The following OTUD4 variants were observed in gnomAD, a reference collection of about 807,000 sequenced individuals.
OTUD4 encodes OTU deubiquitinase 4.
A neutral mutation model predicts 130.4 loss-of-function variants in OTUD4; 24 were observed. That is an observed-to-expected ratio of 0.18 (90% CI 0.13 to 0.26). The LOEUF is 0.26. OTUD4 is among the 10% of genes least tolerant of loss of function. The pLI is 1.00. For missense variants in OTUD4, 1,031 were observed against 1,329.4 expected (o/e 0.78, Z 3.49); for synonymous variants, 420 against 472.5 (o/e 0.89, Z 1.44).
In OTUD4 at chr4:145,137,994, A is replaced by C. The variant is rs191435305; in HGVS notation, c.2781T>G (p.Ser927Arg). Residue 927 changes from serine (S) to arginine (R), a missense_variant, in exon 21 of 21, where the codon AGT (serine) becomes AGG (arginine). Physicochemically the swap from Ser to Arg is moderately radical, Grantham distance 110. Coordinates refer to ENST00000447906, the MANE Select transcript of OTUD4 (RefSeq NM_001366057.1). ...GGCCTTCGTCCGGCTTACTGCTCAC[A>C]CTTGCTTCAGGGAGAGAATGTACAT... ...GEHVHSLPEA[S>R]VSSKPDEGRT... 6.2e-7 allele frequency: 1 copy of C among 1,614,124 alleles called. No individual in the cohort carries two copies. The highest frequency in any genetic ancestry group is 1.7e-5 in the Admixed American group (1 of 60,020).
Position 145,169,570 on chromosome 4 carries a change from T to C in OTUD4, c.294+2100A>G, listed in dbSNP as rs533343003. 2.0e-5 allele frequency among the ~76,000 whole-genome samples: 3 copies of C among 152,290 alleles called. No individual in the cohort carries two copies. In the East Asian group the frequency reaches 5.8e-4, roughly 29 times the overall value. On this transcript the variant is annotated intron_variant, in intron 3 of 20. Coordinates refer to ENST00000447906, the MANE Select transcript of OTUD4 (RefSeq NM_001366057.1). ...CACAATCTCAGCTCACTGCAACCTC[T>C]GCATCCCAGGTTCAAGCGATTCTCC... is the stretch of plus-strand genomic sequence containing the variant.
intron 18 of OTUD4, 106 bp from the exon 19 acceptor site, chr4:145,141,745 A>G (rs1750573538): frequency 4.0e-6 from 4 of 996,922 alleles, no homozygotes; most frequent in African/African-American, 3.3e-5. Context: ...AAGCCAATCT[A>G]AAGTAGTACC....
Position 145,135,088 on chromosome 4 carries a change from G to T in OTUD4, c.*2342C>A. On this transcript the variant is annotated 3_prime_UTR_variant, in exon 21 of 21. Transcript: ENST00000447906. ...AATACATTTAAAAACAAACTTAAAGGAAAAAAAGCGAAACCAACCTTCATG... is the reference window on the plus strand; with the variant it reads ...AATACATTTAAAAACAAACTTAAAGTAAAAAAAGCGAAACCAACCTTCATG... 343 of 281,714 alleles carry T rather than the reference G, an allele frequency of 1.2e-3. No individual in the cohort carries two copies. Among genetic ancestry groups the T allele is most frequent in the Non-Finnish European group, 1.5e-3 (233 of 153,244 alleles). The allele number at this position is 281,714 out of a possible 1,614,324, so 17.5% of individuals were successfully genotyped here.
chr4:145,156,323 G>A (rs959809981), intron 7 of OTUD4, among the ~76,000 whole-genome samples: 12 of 152,130 alleles, frequency 7.9e-5, no homozygotes, highest in African/African-American at 1.9e-4. Flanking sequence ...ATGAGGCCCC[G>A]TTTAAAAACA....
intron 3 of OTUD4, among the ~76,000 whole-genome samples, chr4:145,166,767 G>A (rs907278155): frequency 6.6e-6 from 1 of 152,130 alleles, no homozygotes; most frequent in African/African-American, 2.4e-5. Context: ...TTGAAGCTGG[G>A]AGGCAGCAGT....
chr4:145,152,599 C>G lies in OTUD4; in HGVS notation c.910G>C (p.Asp304His). The change falls in exon 11 of 21, where the codon GAT (aspartate) becomes CAT (histidine). Residue 304 changes from aspartate to histidine, a missense_variant. By Grantham distance (81) the Asp-to-His change is moderately conservative. Coordinates refer to ENST00000447906, the MANE Select transcript of OTUD4 (RefSeq NM_001366057.1). The part of the protein sequence containing the change: ...LDHNGKFLNA[D>H]VQGIHSENGP... The stretch of plus-strand genomic sequence containing the variant: ...TTCTCAGAATGAATTCCTTGAACAT[C>G]TGCATTCAAAAATTTTCCATTGTGA... The G allele has an allele frequency of 1.9e-6, 3 of 1,612,030 alleles. No homozygotes were observed. Among genetic ancestry groups the G allele is most frequent in the Non-Finnish European group, 2.5e-6 (3 of 1,178,536 alleles).
chr4:145,175,668 C>A (rs559551913), intron 1 of OTUD4, among the ~76,000 whole-genome samples: 1 of 152,202 alleles, frequency 6.6e-6, no homozygotes, highest in Non-Finnish European at 1.5e-5. Flanking sequence ...CCTCAGCCTC[C>A]TGAGTAGCTG....
In OTUD4 at chr4:145,150,723, A is replaced by G. The variant is rs747468407; in HGVS notation, c.1073-24T>C. 3.1e-6 allele frequency: 5 copies of G among 1,606,888 alleles called. No individual in the cohort carries two copies. The South Asian group carries it at 3.3e-5, about 11-fold the overall frequency. ...ATCTGTTGTAAGAACCCAAAAGTAC[A>G]TGATAATATTCATATTATAAACAAT... On this transcript the variant is annotated intron_variant, in intron 12 of 20. Transcript: ENST00000447906.
rs773190227 is a variant in OTUD4, at chr4:145,144,013, C to G, written c.1547-12G>C. On this transcript the variant is annotated splice_polypyrimidine_tract_variant and intron_variant, in intron 15 of 20. Transcript: ENST00000447906. ...TCCATGAATAGAGTCTATAGCAGAT[C>G]AAGATTAAAAAAGACAGCATAAGCC... The G allele has an allele frequency of 1.2e-6, 2 of 1,607,104 alleles. No homozygotes were observed. Among genetic ancestry groups the G allele is most frequent in the Non-Finnish European group, 8.5e-7 (1 of 1,174,662 alleles).
chr4:145,177,382 T>G (rs1752477578), intron 1 of OTUD4, among the ~76,000 whole-genome samples: 1 of 152,250 alleles, frequency 6.6e-6, no homozygotes, highest in African/African-American at 2.4e-5. Context: ...TCTTAGCAAC[T>G]TCTATAAAGT....
At position 145,137,168 on chromosome 4, in the gene OTUD4, CA is replaced by C. The variant is rs1173598602; in HGVS notation, c.*261del. Reference sequence around the variant, plus strand: ...AAGCTGTTTATAAAAAATACTTTAACAAACTTATCTTCTACTTTTTACGGGG... The same window carrying C: ...AAGCTGTTTATAAAAAATACTTTAACAACTTATCTTCTACTTTTTACGGGG... On this transcript the variant is annotated 3_prime_UTR_variant, in exon 21 of 21. Transcript: ENST00000447906. 11 of 342,890 alleles carry C rather than the reference CA, an allele frequency of 3.2e-5. No individual in the cohort carries two copies. Among genetic ancestry groups the C allele is most frequent in the Non-Finnish European group, 5.8e-5 (11 of 189,806 alleles). The allele number at this position is 342,890 out of a possible 1,614,324, so 21.2% of individuals were successfully genotyped here. A position where few individuals can be genotyped will look rare whatever the true frequency, so the allele number is the denominator to read the frequency against.
At chr4:145,162,213 TTTATA>T (rs1383619556) in intron 6 of OTUD4, among the ~76,000 whole-genome samples, 3 of 152,262 alleles carry the variant, frequency 2.0e-5, no homozygotes, top group Middle Eastern at 3.4e-3. Flanking sequence ...GGACATATCT[TTTATA>T]TTATAACAGA....
intron 16 of OTUD4, 57 bp downstream of exon 16, chr4:145,143,889 T>C: frequency 8.2e-7 from 1 of 1,223,830 alleles, no homozygotes; most frequent in East Asian, 2.3e-5. Context: ...TTCTTCCTAC[T>C]GTACTACACA....
chr4:145,174,006 A>ATT (rs35026013), intron 2 of OTUD4, among the ~76,000 whole-genome samples: 3,825 of 136,498 alleles, frequency 0.028, 196 homozygotes, highest in African/African-American at 0.095. Flanking sequence ...GCAAGTCTGA[A>ATT]TTTTTTTTTT....
chr4:145,151,750 A>G lies in OTUD4; in HGVS notation c.968+791T>C, dbSNP rs183888097. On this transcript the variant is annotated intron_variant, in intron 11 of 20. Transcript: ENST00000447906. ...TAATGGGGATCTATTCTTAATTTGT[A>G]TATGTTTAAATTTTTCCACAGTAAA... 5.6e-4 allele frequency among the ~76,000 whole-genome samples: 85 copies of G among 152,314 alleles called. 1 individual carries two copies. The highest frequency in any genetic ancestry group is 2.1e-3 in the Admixed American group (32 of 15,292).
Position 145,142,445 on chromosome 4 carries a change from T to G in OTUD4, c.1684-111A>C, listed in dbSNP as rs36226676. 1.3e-3 allele frequency: 1,157 copies of G among 884,464 alleles called. 6 individuals carry two copies. The African/African-American group carries it at 0.015, about 11-fold the overall frequency. The allele number at this position is 884,464 out of a possible 1,614,324, so 54.8% of individuals were successfully genotyped here. ...TTGAGTTGCCTGCCTTTTATACAAA[T>G]GAAGTACAAATAGCCCTTATAGTCT... is the stretch of plus-strand genomic sequence containing the variant. On this transcript the variant is annotated intron_variant, in intron 17 of 20. Coordinates refer to ENST00000447906, the MANE Select transcript of OTUD4 (RefSeq NM_001366057.1).
chr4:145,141,852 G>A (rs1211049589), intron 18 of OTUD4, among the ~76,000 whole-genome samples: 1 of 152,112 alleles, frequency 6.6e-6, no homozygotes, highest in East Asian at 1.9e-4. Flanking sequence ...GCTCTTGCAG[G>A]CACGTGTAGG....
intron 10 of OTUD4, among the ~76,000 whole-genome samples, chr4:145,154,163 A>T (rs1387442818): frequency 6.6e-6 from 1 of 152,206 alleles, no homozygotes; most frequent in Non-Finnish European, 1.5e-5. Context: ...AAGGGTGGGG[A>T]GAGAGACCTT....
chr4:145,168,937 T>A (rs757410951), intron 3 of OTUD4, among the ~76,000 whole-genome samples: 27 of 152,266 alleles, frequency 1.8e-4, no homozygotes, highest in Non-Finnish European at 2.9e-4. Flanking sequence ...CAGGTTGTGA[T>A]AGATACATAC....
Sources: gnomAD v4.1 joint callset for allele counts (sites outside exome capture counted in the v4.1 genomes callset) on GRCh38, gnomAD v4.1.1 for gene constraint, MANE v1.5 for transcripts, NCBI Gene and HGNC (gene_info 2026-07-23, HGNC 2026-07-21) for gene names.